Variants in HPSE2 observed in about 807,000 individuals in gnomAD.
HPSE2 encodes inactive heparanase-2.
HPSE2 carries 38 observed loss-of-function variants against 60.5 expected under a neutral mutation model. The ratio of observed to expected loss-of-function variants is 0.63; its 90% CI spans 0.48 to 0.82. The LOEUF is 0.82. Ranked by LOEUF, HPSE2 falls within the 40% of genes least tolerant of loss-of-function variation. The pLI is 0.00. For synonymous variants in HPSE2, 295 were observed against 293.2 expected, an observed-to-expected ratio of 1.01 and a Z score of -0.06; for missense variants, 713 against 740.4, an observed-to-expected ratio of 0.96 and a Z score of 0.43.
intron 3 of HPSE2, among the ~76,000 whole-genome samples, chr10:98,860,238 C>T (rs538082071): frequency 6.6e-6 from 1 of 152,260 alleles, no homozygotes; most frequent in South Asian, 2.1e-4. Context: ...CCCAGGTTGG[C>T]TGGCAAAAGC....
chr10:99,173,319 G>A (rs539854043), intron 2 of HPSE2, among the ~76,000 whole-genome samples: 4 of 152,270 alleles, frequency 2.6e-5, no homozygotes, highest in African/African-American at 9.6e-5. Context: ...TGCCACAATA[G>A]ATTAAGAAAG....
chr10:99,121,436 A>C (rs952980668), intron 3 of HPSE2, among the ~76,000 whole-genome samples: 3 of 152,194 alleles, frequency 2.0e-5, no homozygotes, highest in Non-Finnish European at 4.4e-5. Context: ...GTACCACTGA[A>C]CTTAAAAAAT....
intron 5 of HPSE2, among the ~76,000 whole-genome samples, chr10:98,717,404 G>C (rs1948817721): frequency 6.6e-6 from 1 of 152,096 alleles, no homozygotes; most frequent in Non-Finnish European, 1.5e-5. Flanking sequence ...TTTGGCACAA[G>C]AAGCCTAGCA....
At chr10:98,721,547 T>A in intron 5 of HPSE2, 110 bp downstream of exon 5, 1 of 1,144,226 alleles carries the variant, frequency 8.7e-7, no homozygotes, top group Non-Finnish European at 1.2e-6. Flanking sequence ...CCCTCCTTTT[T>A]TCTTAAGACC....
chr10:98,728,340 A>G (rs536698331), intron 4 of HPSE2, among the ~76,000 whole-genome samples: 3 of 152,304 alleles, frequency 2.0e-5, no homozygotes, highest in Admixed American at 1.3e-4. Flanking sequence ...ATTAAGGCCT[A>G]GGCATGGTGG....
intron 9 of HPSE2, among the ~76,000 whole-genome samples, chr10:98,499,083 GA>G (rs1941945537): frequency 6.6e-6 from 1 of 152,142 alleles, no homozygotes; most frequent in African/African-American, 2.4e-5. Context: ...ATATTTGGGG[GA>G]ATAATCGAGG....
At chr10:98,695,578 T>C (rs1351593365) in intron 5 of HPSE2, among the ~76,000 whole-genome samples, 4 of 152,342 alleles carry the variant, frequency 2.6e-5, no homozygotes, top group East Asian at 1.9e-4. Flanking sequence ...TTCCATTATA[T>C]AGATTACCAG....
chr10:98,726,401 C>T (rs930356519), intron 4 of HPSE2, among the ~76,000 whole-genome samples: 18 of 149,526 alleles, frequency 1.2e-4, no homozygotes, highest in East Asian at 4.0e-4. Flanking sequence ...AACCAAATGC[C>T]GCATGTTCTC....
chr10:98,655,160 C>T (rs917485175), intron 6 of HPSE2, among the ~76,000 whole-genome samples: 8 of 151,936 alleles, frequency 5.3e-5, no homozygotes, highest in East Asian at 3.9e-4. Context: ...GTATGTAAGA[C>T]GGAAAGGCTA....
At chr10:98,779,335 A>G (rs1279330524) in intron 3 of HPSE2, among the ~76,000 whole-genome samples, 3 of 152,156 alleles carry the variant, frequency 2.0e-5, no homozygotes, top group Non-Finnish European at 4.4e-5. Flanking sequence ...AGCTCTTTCC[A>G]CACACTGAAA....
chr10:99,305,961 ACGCGCGCG>A, the HPSE2 span, among the ~76,000 whole-genome samples: 148 of 103,036 alleles, frequency 1.4e-3, no homozygotes, highest in African/African-American at 5.3e-3. Context: ...ACTCACACAC[ACGCGCGCG>A]CGCGCGCGCG....
chr10:98,562,335 G>A (rs1418922074), intron 9 of HPSE2, among the ~76,000 whole-genome samples: 1 of 152,218 alleles, frequency 6.6e-6, no homozygotes, highest in Non-Finnish European at 1.5e-5. Context: ...TTAATGTTGA[G>A]TGATACATGA....
chr10:99,150,085 A>G (rs1846202459), intron 2 of HPSE2, among the ~76,000 whole-genome samples: 1 of 152,202 alleles, frequency 6.6e-6, no homozygotes. Flanking sequence ...AAGGATGCCA[A>G]AATACCCAAT....
chr10:99,120,174 A>G (rs925473814), intron 3 of HPSE2, among the ~76,000 whole-genome samples: 1 of 152,202 alleles, frequency 6.6e-6, no homozygotes, highest in Admixed American at 6.5e-5. Flanking sequence ...AGAATGGAAG[A>G]AAATATTTGC....
In HPSE2 at chr10:98,491,887, G is replaced by A. The variant is rs561372661; in HGVS notation, c.1321-1691C>T. On this transcript the variant is annotated intron_variant, in intron 9 of 11. Transcript: ENST00000370552. Reference sequence around the variant, plus strand: ...AACCTAAAGGGTGGGTATAGAATCCGGAAGGGATCCTTAGTTTTTTGTATA... The same window carrying A: ...AACCTAAAGGGTGGGTATAGAATCCAGAAGGGATCCTTAGTTTTTTGTATA... Among the ~76,000 whole-genome samples the A allele has an allele frequency of 5.8e-4, 89 of 152,238 alleles. 1 individual carries two copies. Among genetic ancestry groups the A allele is most frequent in the African/African-American group, 1.9e-3 (79 of 41,566 alleles).
chr10:98,565,056 C>G (rs957124270), intron 9 of HPSE2, among the ~76,000 whole-genome samples: 1 of 151,934 alleles, frequency 6.6e-6, no homozygotes, highest in African/African-American at 2.4e-5. Flanking sequence ...TTCCCATGGT[C>G]TACATAACAA....
At chr10:99,159,032 T>C (rs1846710203) in intron 2 of HPSE2, among the ~76,000 whole-genome samples, 1 of 152,056 alleles carries the variant, frequency 6.6e-6, no homozygotes, top group Non-Finnish European at 1.5e-5. Context: ...TTTTTATCTT[T>C]ACACATCTAT....
At chr10:98,865,013 CT>C (rs1430932737) in intron 3 of HPSE2, among the ~76,000 whole-genome samples, 2 of 152,132 alleles carry the variant, frequency 1.3e-5, no homozygotes, top group East Asian at 3.9e-4. Context: ...TCAAGCCATG[CT>C]TTTTGTTCAG....
At chr10:98,629,219 C>G (rs1946295912) in intron 7 of HPSE2, among the ~76,000 whole-genome samples, 1 of 152,222 alleles carries the variant, frequency 6.6e-6, no homozygotes, top group African/African-American at 2.4e-5. Flanking sequence ...GGCCCACCCT[C>G]CAAATGAAGC....
Sources: allele counts gnomAD v4.1 joint callset (sites outside exome capture counted in the v4.1 genomes callset), GRCh38; gene constraint gnomAD v4.1.1; transcripts MANE v1.5; gene names NCBI Gene and HGNC (gene_info 2026-07-23, HGNC 2026-07-21).